TRIM51: variants seen among roughly 807,000 people sequenced by gnomAD.
TRIM51 encodes the protein tripartite motif-containing protein 51.
Under a neutral mutation model 32.7 loss-of-function variants are expected in TRIM51, and 23 were observed. The observed-to-expected ratio is 0.70, with a 90% confidence interval of 0.51 to 1.00. The LOEUF is 1.00. TRIM51 is among the 50% of genes least tolerant of loss of function. The pLI is 0.00. For synonymous variants in TRIM51, 177 were observed against 181.9 expected, an observed-to-expected ratio of 0.97 and a Z score of 0.22; for missense variants, 592 against 539.2, an observed-to-expected ratio of 1.10 and a Z score of -0.97.
intron 2 of TRIM51, 31 bp from the exon 3 acceptor site, chr11:55,886,092 A>C: frequency 1.9e-6 from 3 of 1,593,232 alleles, no homozygotes; most frequent in Non-Finnish European, 1.7e-6. Flanking sequence ...TATTGTCCTC[A>C]CTTGTGCTTC....
intron 3 of TRIM51, 38 bp downstream of exon 3, chr11:55,886,256 T>C (rs756086010): frequency 2.6e-6 from 4 of 1,509,974 alleles, no homozygotes; most frequent in Admixed American, 1.7e-5. Context: ...CGGGAACTTA[T>C]AGTGAACAAA....
intron 6 of TRIM51, 37 bp downstream of exon 6, chr11:55,890,076 A>C: frequency 7.0e-7 from 1 of 1,435,524 alleles, no homozygotes; most frequent in East Asian, 2.3e-5. Flanking sequence ...CCCACAGTCT[A>C]TTACTTCTTG....
chr11:55,883,535 A>G (rs936026977), intron 1 of TRIM51, among the ~76,000 whole-genome samples, 151 bp downstream of exon 1: 3 of 152,146 alleles, frequency 2.0e-5, no homozygotes, highest in African/African-American at 7.2e-5. Flanking sequence ...AGGTTATGAC[A>G]TGAGGTTATT....
intron 5 of TRIM51, among the ~76,000 whole-genome samples, chr11:55,889,347 C>G (rs1341565829): frequency 2.0e-5 from 3 of 152,094 alleles, no homozygotes; most frequent in Non-Finnish European, 2.9e-5. Flanking sequence ...ACATTTTCTA[C>G]ATGGCTACAA....
chr11:55,888,287 T>G (rs754591871), intron 4 of TRIM51, 25 bp downstream of exon 4: 5 of 1,563,408 alleles, frequency 3.2e-6, no homozygotes, highest in Non-Finnish European at 4.4e-6. Flanking sequence ...TGGGGTATCA[T>G]GATGTTGAAC....
rs1854614559 is a variant in TRIM51, at chr11:55,889,066, A to G, written c.761+65A>G. On this transcript the variant is annotated intron_variant, in intron 5 of 6. Coordinates refer to ENST00000449290, the MANE Select transcript of TRIM51 (RefSeq NM_032681.4). ...CCACAAATATCAAGCAGGAACTTTGATATTGAAGGTATAATTGATTCAGAT... is the reference window on the plus strand; with the variant it reads ...CCACAAATATCAAGCAGGAACTTTGGTATTGAAGGTATAATTGATTCAGAT... 9 of 1,397,362 alleles carry G rather than the reference A, an allele frequency of 6.4e-6. No homozygotes were observed. The South Asian group carries it at 1.0e-4, about 16-fold the overall frequency. The allele number at this position is 1,397,362 out of a possible 1,614,324, so 86.6% of individuals were successfully genotyped here. A position where few individuals can be genotyped will look rare whatever the true frequency, so the allele number is the denominator to read the frequency against.
chr11:55,885,891 G>GT, intron 2 of TRIM51, 52 bp downstream of exon 2: 1 of 1,610,420 alleles, frequency 6.2e-7, no homozygotes. Flanking sequence ...TGAAATTCTT[G>GT]TAAGTCTATT....
chr11:55,888,255 T>A lies in TRIM51; in HGVS notation c.731T>A (p.Leu244Gln), dbSNP rs761828481. 1 of 1,610,594 alleles carries A rather than the reference T, an allele frequency of 6.2e-7. No homozygotes were observed. Among genetic ancestry groups the A allele is most frequent in the African/African-American group, 1.3e-5 (1 of 74,840 alleles). ...ATGTGCCATAAAGCAGATGTGGAGC[T>A]ACTCCAGGTATGGACTGACCATGGG... ...KQMCHKADVE[L>Q]LQAFGDILHR... is the part of the protein sequence containing the mutation. Residue 244 changes from leucine to glutamine, a missense_variant, in exon 4 of 7, where the codon CTA (leucine) becomes CAA (glutamine). Physicochemically the swap from Leu to Gln is moderately radical, Grantham distance 113. Transcript: ENST00000449290.
Position 55,891,265 on chromosome 11 carries a change from G to T in TRIM51, c.992G>T (p.Trp331Leu), listed in dbSNP as rs767532374. 11 of 1,609,064 alleles carry T rather than the reference G, an allele frequency of 6.8e-6. No homozygotes were observed. The African/African-American group carries it at 1.3e-4, about 20-fold the overall frequency. The change falls in exon 7 of 7, where the codon TGG (tryptophan) becomes TTG (leucine). Residue 331 changes from tryptophan to leucine, a missense_variant. Trp to Leu is a moderately conservative substitution (Grantham distance 61). Transcript: ENST00000449290. ...GGAAAATCTGAATGTTTTCTTGTATGGGGGGCTCAGGCTTTCACATCTGGC... is the reference window on the plus strand; with the variant it reads ...GGAAAATCTGAATGTTTTCTTGTATTGGGGGCTCAGGCTTTCACATCTGGC... Reference protein sequence around the residue: ...ITGKSECFLVWGAQAFTSGKY... With the variant: ...ITGKSECFLVLGAQAFTSGKY...
chr11:55,887,720 A>AT (rs1383204600), intron 3 of TRIM51, among the ~76,000 whole-genome samples: 1 of 152,182 alleles, frequency 6.6e-6, no homozygotes, highest in Non-Finnish European at 1.5e-5. Context: ...CCTAGTCAAT[A>AT]TAACTCGATA....
Position 55,885,854 on chromosome 11 carries a change from TGAA to T in TRIM51, c.411+18_411+20del. 6.2e-7 allele frequency: 1 copy of T among 1,611,662 alleles called. No individual in the cohort carries two copies. Among genetic ancestry groups the T allele is most frequent in the Non-Finnish European group, 8.5e-7 (1 of 1,179,652 alleles). ...AGGAACGCCGGGTAAGTGATGCCTC[TGAA>T]GATCTATTTCTATACAGGACACATG... On this transcript the variant is annotated intron_variant, in intron 2 of 6. Coordinates refer to ENST00000449290, the MANE Select transcript of TRIM51 (RefSeq NM_032681.4).
intron 6 of TRIM51, among the ~76,000 whole-genome samples, chr11:55,890,368 ATTTCT>A (rs1180669145): frequency 6.6e-6 from 1 of 152,148 alleles, no homozygotes; most frequent in East Asian, 1.9e-4. Flanking sequence ...AAAATTTTAC[ATTTCT>A]TTACTGTATT....
intron 4 of TRIM51, 147 bp downstream of exon 4, chr11:55,888,409 T>C: frequency 1.4e-6 from 1 of 711,522 alleles, no homozygotes; most frequent in East Asian, 2.7e-5. Context: ...GTTGGGAGGG[T>C]ATAGCCTCTC....
chr11:55,888,573 T>A (rs182475474), intron 4 of TRIM51, among the ~76,000 whole-genome samples: 7 of 152,280 alleles, frequency 4.6e-5, no homozygotes, highest in Admixed American at 4.6e-4. Context: ...AAATGAGAAG[T>A]GATTCATTGG....
intron 1 of TRIM51, among the ~76,000 whole-genome samples, chr11:55,884,157 C>CCATATATATATATATA (rs1854542546): frequency 1.6e-5 from 1 of 61,546 alleles, no homozygotes; most frequent in Non-Finnish European, 3.3e-5. Flanking sequence ...ATAACTATAA[C>CCATATATATATATATA]TATATATATA....
At position 55,891,206 on chromosome 11, in the gene TRIM51, T is replaced by C. The variant is rs1854644087; in HGVS notation, c.933T>C (p.Val311=). ...FLCGDLRSMN[V]GCDPQDDPDI... ...GTGGAGATTTGAGAAGCATGAATGT[T>C]GGATGTGACCCTCAAGATGATCCCG... Residue 311 remains valine, a synonymous_variant, in exon 7 of 7, where the codon GTT becomes GTC. Coordinates refer to ENST00000449290, the MANE Select transcript of TRIM51 (RefSeq NM_032681.4). 3.7e-6 allele frequency: 6 copies of C among 1,603,946 alleles called. No individual in the cohort carries two copies. The Admixed American group carries it at 8.3e-5, about 22-fold the overall frequency.
chr11:55,890,753 C>T (rs1395059465), intron 6 of TRIM51, among the ~76,000 whole-genome samples: 1 of 152,020 alleles, frequency 6.6e-6, no homozygotes, highest in Non-Finnish European at 1.5e-5. Flanking sequence ...TAAAATCTTC[C>T]CATTCTTGCC....
chr11:55,889,106 G>A (rs762880389), intron 5 of TRIM51, 105 bp downstream of exon 5: 1 of 1,040,278 alleles, frequency 9.6e-7, no homozygotes. Flanking sequence ...ATACTGCCTT[G>A]TGCTGGTTGT....
chr11:55,887,562 A>G (rs1854592431), intron 3 of TRIM51, among the ~76,000 whole-genome samples: 1 of 152,144 alleles, frequency 6.6e-6, no homozygotes, highest in South Asian at 2.1e-4. Context: ...TGAGTTTGGA[A>G]GAGAATAAAT....
Sources: gnomAD v4.1 joint callset for allele counts (sites outside exome capture counted in the v4.1 genomes callset) on GRCh38, gnomAD v4.1.1 for gene constraint, MANE v1.5 for transcripts, NCBI Gene and HGNC (gene_info 2026-07-23, HGNC 2026-07-21) for gene names.